The following CYB5D2 variants were observed in gnomAD, a reference collection of about 807,000 sequenced individuals.
CYB5D2 encodes cytochrome b5 domain containing 2.
In CYB5D2, 23 loss-of-function variants were observed where a neutral mutation model predicts 22.8. The ratio of observed to expected loss-of-function variants is 1.01; its 90% CI spans 0.73 to 1.43. The LOEUF (loss-of-function observed/expected upper bound fraction) is 1.43. CYB5D2 is among the 40% of genes most tolerant of loss of function. The pLI is 0.00. For synonymous variants in CYB5D2, 170 were observed against 152.2 expected (o/e 1.12, Z -0.86); for missense variants, 373 against 357.2 (o/e 1.04, Z -0.36).
At chr17:4,149,724 G>T (rs568876969) in intron 1 of CYB5D2, among the ~76,000 whole-genome samples, 167 bp from the exon 2 acceptor site, 1 of 152,174 alleles carries the variant, frequency 6.6e-6, no homozygotes, top group Non-Finnish European at 1.5e-5. Flanking sequence ...GCTTGAAAGC[G>T]GAAGGCAGAG....
intron 1 of CYB5D2, among the ~76,000 whole-genome samples, chr17:4,145,471 T>C (rs1339944831): frequency 1.3e-5 from 2 of 152,224 alleles, no homozygotes; most frequent in African/African-American, 2.4e-5. Flanking sequence ...TTCGTTGCGC[T>C]GCCCTGCTGC....
At chr17:4,152,188 C>G (rs1298759459) in intron 2 of CYB5D2, among the ~76,000 whole-genome samples, 1 of 152,060 alleles carries the variant, frequency 6.6e-6, no homozygotes, top group African/African-American at 2.4e-5. Context: ...GCGGGAAATG[C>G]CTCAGAAGGA....
intron 1 of CYB5D2, among the ~76,000 whole-genome samples, chr17:4,145,903 A>G (rs372854360): frequency 5.9e-5 from 9 of 151,890 alleles, no homozygotes; most frequent in East Asian, 5.8e-4. Context: ...AGCTCAAGCA[A>G]TCCTTCCACT....
At chr17:4,155,092 T>C (rs2059100174) in intron 3 of CYB5D2, among the ~76,000 whole-genome samples, 1 of 152,232 alleles carries the variant, frequency 6.6e-6, no homozygotes, top group Non-Finnish European at 1.5e-5. Context: ...GACTTGGACT[T>C]GAGGCCTGGG....
intron 2 of CYB5D2, among the ~76,000 whole-genome samples, chr17:4,152,294 G>A (rs1273175666): frequency 6.6e-6 from 1 of 152,130 alleles, no homozygotes; most frequent in African/African-American, 2.4e-5. Context: ...TCCAGTTCCT[G>A]CCCCTGTTAG....
chr17:4,155,647 G>A (rs938293782), intron 3 of CYB5D2, among the ~76,000 whole-genome samples: 3 of 152,160 alleles, frequency 2.0e-5, no homozygotes, highest in South Asian at 4.1e-4. Context: ...TAAGATAGGC[G>A]TGGGCCTTCC....
chr17:4,143,782 T>C lies in CYB5D2; in HGVS notation c.27T>C (p.Leu9=), dbSNP rs1426530652. ...TGTTGAGGTGCGGAGGCCGTGGGCTTTTGTTGGGCCTGGCTGTAGCCGCAG... is the reference window on the plus strand; with the variant it reads ...TGTTGAGGTGCGGAGGCCGTGGGCTCTTGTTGGGCCTGGCTGTAGCCGCAG... MLRCGGRG[L]LLGLAVAAAA... The change falls in exon 1 of 4, where the codon CTT becomes CTC. Residue 9 remains leucine, a synonymous_variant. Coordinates refer to ENST00000301391, the MANE Select transcript of CYB5D2 (RefSeq NM_144611.4). 6 of 1,613,732 alleles carry C rather than the reference T, an allele frequency of 3.7e-6. No individual in the cohort carries two copies. The East Asian group carries it at 8.9e-5, about 24-fold the overall frequency.
chr17:4,154,407 C>T (rs1025298166), intron 2 of CYB5D2, among the ~76,000 whole-genome samples: 1 of 152,204 alleles, frequency 6.6e-6, no homozygotes, highest in African/African-American at 2.4e-5. Flanking sequence ...GCTGTGCCCT[C>T]AGGGAAGCCT....
At chr17:4,145,327 G>A (rs1555617792) in intron 1 of CYB5D2, among the ~76,000 whole-genome samples, 5 of 152,212 alleles carry the variant, frequency 3.3e-5, no homozygotes, top group Non-Finnish European at 7.3e-5. Context: ...GAAAAGGAAT[G>A]AAGTCCAGTT....
chr17:4,150,095 T>G, intron 2 of CYB5D2, 64 bp downstream of exon 2: 1 of 1,573,996 alleles, frequency 6.4e-7, no homozygotes, highest in African/African-American at 1.4e-5. Flanking sequence ...GGGCTGAGAT[T>G]TTTTAGGGAT....
chr17:4,151,538 T>G lies in CYB5D2; in HGVS notation c.391+1507T>G, dbSNP rs142289457. 5.0e-3 allele frequency among the ~76,000 whole-genome samples: 753 copies of G among 150,624 alleles called. 5 individuals carry two copies. Among genetic ancestry groups the G allele is most frequent in the African/African-American group, 0.018 (732 of 40,840 alleles). On this transcript the variant is annotated intron_variant, in intron 2 of 3. Transcript: ENST00000301391. ...CCCTGTCTCTATTAAAATACAAAAA[T>G]TAGCCGGGCATGATGGCAGGTGCCT...
Position 4,144,045 on chromosome 17 carries a change from C to T in CYB5D2, c.250+40C>T, listed in dbSNP as rs202094041. 268 of 1,543,028 alleles carry T rather than the reference C, an allele frequency of 1.7e-4. 1 individual carries two copies. The highest frequency in any genetic ancestry group is 2.2e-4 in the Non-Finnish European group (258 of 1,147,606). On this transcript the variant is annotated intron_variant, in intron 1 of 3. Coordinates refer to ENST00000301391, the MANE Select transcript of CYB5D2 (RefSeq NM_144611.4). Reference sequence around the variant, plus strand: ...GCTCACGCCTTTCTCTCCGCTGGCGCGAGCCAGTAGCCACCTGCGCGTCGT... The same window carrying T: ...GCTCACGCCTTTCTCTCCGCTGGCGTGAGCCAGTAGCCACCTGCGCGTCGT...
chr17:4,154,959 A>AC, intron 3 of CYB5D2, 99 bp downstream of exon 3: 3 of 1,292,306 alleles, frequency 2.3e-6, no homozygotes, highest in Non-Finnish European at 3.1e-6. Flanking sequence ...TTGATTGTTA[A>AC]CCCTGGGGAG....
chr17:4,155,593 A>G (rs1191149088), intron 3 of CYB5D2, among the ~76,000 whole-genome samples: 3 of 152,142 alleles, frequency 2.0e-5, no homozygotes, highest in Non-Finnish European at 4.4e-5. Context: ...CTCAAGAAAG[A>G]GGGGACTGTG....
intron 3 of CYB5D2, 91 bp from the exon 4 acceptor site, chr17:4,156,775 C>A: frequency 7.2e-7 from 1 of 1,386,724 alleles, no homozygotes; most frequent in Non-Finnish European, 9.9e-7. Flanking sequence ...TTCTACTTTT[C>A]AGAAGGCCTG....
chr17:4,152,843 C>A (rs201169940), intron 2 of CYB5D2, among the ~76,000 whole-genome samples: 22 of 152,312 alleles, frequency 1.4e-4, no homozygotes, highest in East Asian at 1.2e-3. Flanking sequence ...AGTGGCACGA[C>A]TGCAGCTCAC....
chr17:4,144,493 C>CT (rs1297449803), intron 1 of CYB5D2, among the ~76,000 whole-genome samples: 2 of 152,256 alleles, frequency 1.3e-5, no homozygotes, highest in Non-Finnish European at 2.9e-5. Context: ...TGCATCAATA[C>CT]TTTATTCCTT....
chr17:4,153,942 C>T (rs774568891), intron 2 of CYB5D2, among the ~76,000 whole-genome samples: 1 of 152,224 alleles, frequency 6.6e-6, no homozygotes, highest in African/African-American at 2.4e-5. Flanking sequence ...TTAGGGGTTG[C>T]TCCCTCTTCG....
Position 4,156,894 on chromosome 17 carries a change from G to A in CYB5D2, c.607G>A (p.Val203Ile), listed in dbSNP as rs150294786. ...SGGVSRDWIG[V>I]PRKLYKPGAK... ...AGGTGTGAGCAGAGACTGGATTGGC[G>A]TCCCCAGGAAGCTGTATAAGCCAGG... The change falls in exon 4 of 4, where the codon GTC (valine) becomes ATC (isoleucine). Residue 203 changes from valine to isoleucine, a missense_variant. Transcript: ENST00000301391. 4.0e-5 allele frequency: 64 copies of A among 1,612,722 alleles called. 1 individual carries two copies. The highest frequency in any genetic ancestry group is 3.3e-4 in the South Asian group (30 of 91,008).
Sources: gnomAD v4.1 joint callset for allele counts (sites outside exome capture counted in the v4.1 genomes callset) on GRCh38, gnomAD v4.1.1 for gene constraint, MANE v1.5 for transcripts, NCBI Gene and HGNC (gene_info 2026-07-23, HGNC 2026-07-21) for gene names.